Variants in CAMK2D observed in about 807,000 individuals in gnomAD.
The protein encoded by CAMK2D is calcium/calmodulin-dependent protein kinase type II subunit delta.
In CAMK2D, 37 loss-of-function variants were observed where a neutral mutation model predicts 84.0. The ratio of observed to expected loss-of-function variants is 0.44; its 90% confidence interval spans 0.34 to 0.58. The LOEUF (loss-of-function observed/expected upper bound fraction) is 0.58, where lower values mean the gene tolerates loss of function less well. Ranked by LOEUF, CAMK2D falls within the 20% of genes least tolerant of loss-of-function variation. The pLI is 0.02. For missense variants in CAMK2D, 448 were observed against 652.5 expected, an observed-to-expected ratio of 0.69 and a Z score of 3.41; for synonymous variants, 202 against 212.5, an observed-to-expected ratio of 0.95 and a Z score of 0.43.
intron 4 of CAMK2D, among the ~76,000 whole-genome samples, chr4:113,598,787 C>A (rs77673933): frequency 0.061 from 9,257 of 152,128 alleles, 342 homozygotes; most frequent in South Asian, 0.099. Flanking sequence ...TAGGTTCAAG[C>A]CTCTCAAGTA....
chr4:113,475,867 A>C (rs980408060), intron 16 of CAMK2D, among the ~76,000 whole-genome samples: 3 of 152,170 alleles, frequency 2.0e-5, no homozygotes, highest in Admixed American at 6.5e-5. Flanking sequence ...TAGCTCCCTG[A>C]ATCAATAAAA....
intron 16 of CAMK2D, among the ~76,000 whole-genome samples, chr4:113,472,093 C>T (rs532425718): frequency 9.9e-5 from 15 of 152,252 alleles, no homozygotes; most frequent in Non-Finnish European, 2.1e-4. Context: ...GCTCTTCCTG[C>T]GTGCTTCAGA....
intron 4 of CAMK2D, among the ~76,000 whole-genome samples, 154 bp from the exon 5 acceptor site, chr4:113,552,250 C>T (rs931538185): frequency 6.6e-6 from 1 of 152,136 alleles, no homozygotes; most frequent in African/African-American, 2.4e-5. Context: ...TAAGTCAAAT[C>T]TATACTACAC....
chr4:113,623,402 ACC>A (rs937844237), intron 3 of CAMK2D, among the ~76,000 whole-genome samples: 7 of 151,166 alleles, frequency 4.6e-5, no homozygotes, highest in East Asian at 2.0e-4. Flanking sequence ...ACACACACAC[ACC>A]CACACAGACA....
intron 18 of CAMK2D, among the ~76,000 whole-genome samples, chr4:113,459,054 C>T (rs926757638): frequency 6.6e-6 from 1 of 152,182 alleles, no homozygotes; most frequent in Admixed American, 6.5e-5. Flanking sequence ...TCCTCTGAAA[C>T]TACCACAAGT....
At chr4:113,670,844 C>A (rs2099278416) in intron 2 of CAMK2D, among the ~76,000 whole-genome samples, 1 of 151,838 alleles carries the variant, frequency 6.6e-6, no homozygotes, top group South Asian at 2.1e-4. Flanking sequence ...AGGAGAATGG[C>A]ATGAACCTGG....
chr4:113,736,193 TA>T (rs1198974741), intron 2 of CAMK2D, among the ~76,000 whole-genome samples: 1 of 152,022 alleles, frequency 6.6e-6, no homozygotes, highest in East Asian at 1.9e-4. Flanking sequence ...TATTTTATGT[TA>T]CTGCCATCTT....
At chr4:113,693,187 CT>C (rs2099393330) in intron 2 of CAMK2D, among the ~76,000 whole-genome samples, 1 of 152,086 alleles carries the variant, frequency 6.6e-6, no homozygotes, top group Non-Finnish European at 1.5e-5. Context: ...CTAAAATAAT[CT>C]CCTCAAGCAG....
chr4:113,495,574 A>T (rs1197391070), intron 16 of CAMK2D, among the ~76,000 whole-genome samples: 1 of 152,198 alleles, frequency 6.6e-6, no homozygotes, highest in Non-Finnish European at 1.5e-5. Flanking sequence ...TAATCAAGTG[A>T]TTCTATAAAT....
intron 4 of CAMK2D, among the ~76,000 whole-genome samples, chr4:113,605,191 C>T (rs576805892): frequency 2.0e-5 from 3 of 152,322 alleles, no homozygotes; most frequent in Admixed American, 6.5e-5. Context: ...AGAAACAGAT[C>T]TTACTAAAAT....
chr4:113,581,592 T>C (rs1456817519), intron 4 of CAMK2D, among the ~76,000 whole-genome samples: 11 of 151,810 alleles, frequency 7.2e-5, no homozygotes, highest in African/African-American at 2.7e-4. Context: ...TAGAAGGTAT[T>C]TGATTTTTTT....
In CAMK2D at chr4:113,504,989, G is replaced by C. The variant is rs757211168; in HGVS notation, c.1031C>G (p.Pro344Arg). 9 of 1,576,888 alleles carry C rather than the reference G, an allele frequency of 5.7e-6. No individual in the cohort carries two copies. The highest frequency in any genetic ancestry group is 2.7e-5 in the African/African-American group (2 of 74,408). The change falls in exon 14 of 21, where the codon CCT (proline) becomes CGT (arginine). Residue 344 changes from proline (P) to arginine (R), a missense_variant. Transcript: ENST00000511664. ...NVVTSPKENI[P>R]TPALEPQTTV... ...GTCCAGGTATACCAGCGCTGGGGTA[G>C]GAATATTTTCTTTGGGGCTGGTTAC...
intron 3 of CAMK2D, among the ~76,000 whole-genome samples, chr4:113,610,774 T>A (rs1228942666): frequency 6.6e-6 from 1 of 152,124 alleles, no homozygotes; most frequent in Non-Finnish European, 1.5e-5. Flanking sequence ...CCTGCCACGC[T>A]TATCTTACTT....
chr4:113,722,175 C>T (rs1398685482), intron 2 of CAMK2D, among the ~76,000 whole-genome samples: 1 of 152,176 alleles, frequency 6.6e-6, no homozygotes, highest in Non-Finnish European at 1.5e-5. Flanking sequence ...AACCTTCAAA[C>T]ATTCCTCCAA....
In CAMK2D at chr4:113,714,388, A is replaced by G. The variant is rs1428093441; in HGVS notation, c.160+44932T>C. ...TCCATTCTTCTTCTTTTTAAAAATT[A>G]TCTTTGCTATTTTTGGCCCTTATTA... is the stretch of plus-strand genomic sequence containing the variant. On this transcript the variant is annotated intron_variant, in intron 2 of 20. Transcript: ENST00000511664. 1.3e-5 allele frequency among the ~76,000 whole-genome samples: 2 copies of G among 152,064 alleles called. 1 individual carries two copies. Among genetic ancestry groups the G allele is most frequent in the Admixed American group, 1.3e-4 (2 of 15,244 alleles).
chr4:113,699,430 G>C (rs534755410), intron 2 of CAMK2D, among the ~76,000 whole-genome samples: 25 of 152,160 alleles, frequency 1.6e-4, no homozygotes, highest in Non-Finnish European at 3.2e-4. Flanking sequence ...TATAATCTAA[G>C]GTTTACTAAG....
At chr4:113,731,905 C>T (rs2148790481) in intron 2 of CAMK2D, among the ~76,000 whole-genome samples, 1 of 152,018 alleles carries the variant, frequency 6.6e-6, no homozygotes, top group East Asian at 1.9e-4. Flanking sequence ...TTATATGGCC[C>T]TCTCTCATAA....
chr4:113,504,574 C>T (rs1032351605), intron 14 of CAMK2D, among the ~76,000 whole-genome samples: 1 of 152,130 alleles, frequency 6.6e-6, no homozygotes, highest in African/African-American at 2.4e-5. Flanking sequence ...ATTAGCTCTC[C>T]TTGATGTAAG....
chr4:113,543,804 A>T lies in CAMK2D; in HGVS notation c.414+3840T>A, dbSNP rs1289952828. Among the ~76,000 whole-genome samples, 5 of 142,706 alleles carry T rather than the reference A, an allele frequency of 3.5e-5. No homozygotes were observed. The South Asian group carries it at 6.4e-4, about 18-fold the overall frequency. The allele number at this position is 142,706 out of a possible 152,430, so 93.6% of individuals were successfully genotyped here. Reference sequence around the variant, plus strand: ...TATTTATTTATTTATTTATTTATTTATTTTTGAGACAGAGTCTCGCTCTGT... The same window carrying T: ...TATTTATTTATTTATTTATTTATTTTTTTTTGAGACAGAGTCTCGCTCTGT... On this transcript the variant is annotated intron_variant, in intron 6 of 20. Coordinates refer to ENST00000511664, the MANE Select transcript of CAMK2D (RefSeq NM_001321571.2).
Sources: gnomAD v4.1 joint callset for allele counts (sites outside exome capture counted in the v4.1 genomes callset) on GRCh38, gnomAD v4.1.1 for gene constraint, MANE v1.5 for transcripts, NCBI Gene and HGNC (gene_info 2026-07-23, HGNC 2026-07-21) for gene names.